APC: variants seen among roughly 807,000 people sequenced by gnomAD.
The protein encoded by APC is adenomatous polyposis coli protein.
A neutral mutation model predicts 247.0 loss-of-function variants in APC; 72 were observed. The ratio of observed to expected loss-of-function variants is 0.29; its 90% CI spans 0.24 to 0.35. The LOEUF (loss-of-function observed/expected upper bound fraction) is 0.35. Among genes scored for constraint, APC ranks in the 10% least tolerant of loss-of-function variants. APC has a pLI of 1.00. For missense variants in APC, 3,400 were observed against 3,360.7 expected (o/e 1.01, Z -0.29); for synonymous variants, 1,254 against 1,162.5 (o/e 1.08, Z -1.60).
rs1766270302 is a variant in APC at position 112,842,257 on chromosome 5, G to A, written c.6663G>A (p.Met2221Ile). ...TGAAACAGCCCCTTCAAGCAAACATGCCTTCAATCTCTCGAGGCAGGACAA... is the reference window on the plus strand; with the variant it reads ...TGAAACAGCCCCTTCAAGCAAACATACCTTCAATCTCTCGAGGCAGGACAA... ...GQMKQPLQAN[M>I]PSISRGRTMI... Residue 2221 changes from methionine (M) to isoleucine (I), a missense_variant, in exon 16 of 16, where the codon ATG (methionine) becomes ATA (isoleucine). Met to Ile is a conservative substitution (Grantham distance 10). Around this residue, in one of 9 missense-constraint regions of APC, gnomAD observed 1,788 missense variants for 1,649.5 expected, o/e 1.08. Transcript: ENST00000257430. 6.2e-7 allele frequency: 1 copy of A among 1,613,998 alleles called. No individual in the cohort carries two copies. Among genetic ancestry groups the A allele is most frequent in the Non-Finnish European group, 8.5e-7 (1 of 1,179,888 alleles).
rs76439767 is a variant in APC, at chr5:112,844,260, C to G, written c.*134C>G. 9.6e-6 allele frequency: 8 copies of G among 835,884 alleles called. No homozygotes were observed. The highest frequency in any genetic ancestry group is 1.5e-5 in the Non-Finnish European group (8 of 543,800). The allele number at this position is 835,884 out of a possible 1,614,324, so 51.8% of individuals were successfully genotyped here. On this transcript the variant is annotated 3_prime_UTR_variant, in exon 16 of 16. Transcript: ENST00000257430. ...TGATTCTTGTTAGAGGGTTTTTGTT[C>G]TGGAAGCCATATTTGATAGTATACT... is the stretch of plus-strand genomic sequence containing the variant.
chr5:112,801,983 T>C (rs1760881139), intron 8 of APC, among the ~76,000 whole-genome samples: 1 of 152,088 alleles, frequency 6.6e-6, no homozygotes, highest in Admixed American at 6.5e-5. Flanking sequence ...CCATCCGTTA[T>C]CTTATTAGAT....
At chr5:112,739,673 A>G (rs771205559) in intron 1 of APC, among the ~76,000 whole-genome samples, 52 of 152,206 alleles carry the variant, frequency 3.4e-4, no homozygotes, top group Non-Finnish European at 7.2e-4. Context: ...GTTCAAGACC[A>G]GCCTGGGCAA....
At chr5:112,786,540 T>G (rs933066472) in intron 6 of APC, among the ~76,000 whole-genome samples, 14 of 152,164 alleles carry the variant, frequency 9.2e-5, no homozygotes, top group Admixed American at 3.3e-4. Context: ...TAATAGAGCT[T>G]ACTACTGGGA....
chr5:112,714,234 CATAATT>C (rs756460498), intron 1 of APC, among the ~76,000 whole-genome samples: 8 of 152,262 alleles, frequency 5.3e-5, no homozygotes, highest in Non-Finnish European at 8.8e-5. Context: ...AGGTACTACT[CATAATT>C]ATTAAGTAGA....
At chr5:112,780,719 T>C (rs1453714856) in intron 5 of APC, 71 bp from the exon 6 acceptor site, 9 of 1,061,796 alleles carry the variant, frequency 8.5e-6, no homozygotes, top group Admixed American at 3.9e-5. Context: ...TTGGTTCTTA[T>C]ATGCTTTTTT....
chr5:112,834,785 G>T (rs1263282239), intron 14 of APC, among the ~76,000 whole-genome samples, 166 bp from the exon 15 acceptor site: 3 of 151,874 alleles, frequency 2.0e-5, no homozygotes, highest in Non-Finnish European at 4.4e-5. Context: ...AATACTATTT[G>T]GTATTTTATG....
rs1561601173 is a variant in APC at position 112,841,171 on chromosome 5, T to C, written c.5577T>C (p.Asn1859=). 1 of 1,613,984 alleles carries C rather than the reference T, an allele frequency of 6.2e-7. No homozygotes were observed. The highest frequency in any genetic ancestry group is 1.7e-4 in the Middle Eastern group (1 of 6,060). Residue 1859 remains asparagine (N), a synonymous_variant, in exon 16 of 16, where the codon AAT becomes AAC. Coordinates refer to ENST00000257430, the MANE Select transcript of APC (RefSeq NM_000038.6). This position sits in a 1 kb window ranked among gnomAD's most constrained non-coding sequence, Gnocchi z 4.6. ...GAACTCCTTACTGTTTTTCACGAAA[T>C]GATTCTTTGAGTTCTCTAGATTTTG... ...IEGTPYCFSR[N]DSLSSLDFDD... is the part of the protein sequence containing the mutation.
At chr5:112,738,188 GT>G in intron 1 of APC, 4 of 789,770 alleles carry the variant, frequency 5.1e-6, no homozygotes, top group Non-Finnish European at 4.6e-6. Context: ...GAGAAAAGCT[GT>G]TTTTGAAGCC....
intron 9 of APC, 132 bp from the exon 10 acceptor site, chr5:112,818,834 G>GT (rs1318114007): frequency 0.025 from 7,538 of 299,500 alleles, 15 homozygotes; most frequent in African/African-American, 0.035. Context: ...CCGGTTTTTT[G>GT]TTTTTTTTTT....
chr5:112,840,127 C>T lies in APC; in HGVS notation c.4533C>T (p.Leu1511=), dbSNP rs150089434. 83 of 1,613,832 alleles carry T rather than the reference C, an allele frequency of 5.1e-5. No individual in the cohort carries two copies. Among genetic ancestry groups the T allele is most frequent in the Non-Finnish European group, 6.3e-5 (74 of 1,179,996 alleles). ...SCSSSLSALS[L]DEPFIQKDVE... is the part of the protein sequence containing the mutation. Reference sequence around the variant, plus strand: ...CATCCAGCCTGAGTGCTCTGAGCCTCGATGAGCCATTTATACAGAAAGATG... The same window carrying T: ...CATCCAGCCTGAGTGCTCTGAGCCTTGATGAGCCATTTATACAGAAAGATG... The change falls in exon 16 of 16, where the codon CTC becomes CTT. Residue 1511 remains leucine (L), a synonymous_variant. Coordinates refer to ENST00000257430, the MANE Select transcript of APC (RefSeq NM_000038.6). The surrounding 1 kb of genome is among the most constrained non-coding windows in gnomAD (Gnocchi z 4.1).
At chr5:112,763,497 A>G (rs914354629) in intron 2 of APC, among the ~76,000 whole-genome samples, 1 of 152,040 alleles carries the variant, frequency 6.6e-6, no homozygotes, top group African/African-American at 2.4e-5. Context: ...CTGAATTTAT[A>G]TGGCTTTTTA....
chr5:112,779,015 G>A (rs1580373870), intron 5 of APC, among the ~76,000 whole-genome samples: 1 of 152,162 alleles, frequency 6.6e-6, no homozygotes, highest in Non-Finnish European at 1.5e-5. Flanking sequence ...CTGAGTGGAC[G>A]TTGGCTGACA....
rs772181347 is a variant in APC, at chr5:112,815,512, G to T, written c.852G>T (p.Met284Ile). 6.2e-7 allele frequency: 1 copy of T among 1,611,664 alleles called. No homozygotes were observed. The highest frequency in any genetic ancestry group is 1.1e-5 in the South Asian group (1 of 91,026). ...SGNGQGSTTR[M>I]DHETASVLSS... is the part of the protein sequence containing the mutation. ...ATTTTTAGGGTTCAACTACACGAAT[G>T]GACCATGAAACAGCCAGTGTTTTGA... The change falls in exon 9 of 16, where the codon ATG becomes ATT. Residue 284 changes from methionine to isoleucine, a missense_variant. Met to Ile is a conservative substitution (Grantham distance 10). Coordinates refer to ENST00000257430, the MANE Select transcript of APC (RefSeq NM_000038.6).
intron 14 of APC, among the ~76,000 whole-genome samples, chr5:112,831,190 C>A (rs971840309): frequency 3.3e-5 from 5 of 151,942 alleles, no homozygotes; most frequent in African/African-American, 1.2e-4. Context: ...CTAACTGCAA[C>A]CTCCAACTCC....
intron 8 of APC, among the ~76,000 whole-genome samples, chr5:112,814,010 C>T (rs1172436625): frequency 6.6e-6 from 1 of 152,178 alleles, no homozygotes; most frequent in Non-Finnish European, 1.5e-5. Flanking sequence ...TTACTAATAG[C>T]TCCTCATTTA....
chr5:112,729,776 T>C (rs772917647), intron 1 of APC, among the ~76,000 whole-genome samples: 25 of 152,218 alleles, frequency 1.6e-4, no homozygotes, highest in Non-Finnish European at 2.6e-4. Flanking sequence ...GTATATTCAC[T>C]AGAGTAACAC....
intron 1 of APC, among the ~76,000 whole-genome samples, chr5:112,719,655 C>G (rs997103233): frequency 6.6e-6 from 1 of 151,900 alleles, no homozygotes; most frequent in African/African-American, 2.4e-5. Context: ...CTGTCTCAGC[C>G]TAGTGAGTAG....
At chr5:112,772,303 G>C (rs957652972) in intron 4 of APC, among the ~76,000 whole-genome samples, 1 of 152,136 alleles carries the variant, frequency 6.6e-6, no homozygotes, top group Admixed American at 6.5e-5. Context: ...ATGAACTGCT[G>C]TTGTGTGAGT....
Sources: allele counts gnomAD v4.1 joint callset (sites outside exome capture counted in the v4.1 genomes callset), GRCh38; gene constraint gnomAD v4.1.1; regional missense constraint gnomAD v4.1.1; non-coding constraint Gnocchi (gnomAD v3.1); transcripts MANE v1.5; gene names NCBI Gene and HGNC (gene_info 2026-07-23, HGNC 2026-07-21).